The following HMX3 variants were observed in gnomAD, a reference collection of about 807,000 sequenced individuals.
The protein encoded by HMX3 is H6 family homeobox 3.
Under a neutral mutation model 22.8 loss-of-function variants are expected in HMX3, and 8 were observed. The observed-to-expected ratio is 0.35, with a 90% confidence interval of 0.21 to 0.63. The LOEUF (loss-of-function observed/expected upper bound fraction) is 0.63. Ranked by LOEUF, HMX3 falls within the 30% of genes least tolerant of loss-of-function variation. HMX3 has a pLI of 0.72. For missense variants in HMX3, 527 were observed against 520.6 expected (o/e 1.01, Z -0.12); for synonymous variants, 331 against 250.9 (o/e 1.32, Z -3.02).
chr10:123,136,929 G>C lies in HMX3; in HGVS notation c.401-129G>C. ...CAGCCGAGAAGGAGGCAGCCCGCGG[G>C]AATGGTGAGGCCTCATGGCCTGGGA... On this transcript the variant is annotated intron_variant, in intron 1 of 1. Transcript: ENST00000357878. This position sits in a 1 kb window ranked among gnomAD's most constrained non-coding sequence, Gnocchi z 4.8. 1 of 1,101,844 alleles carries C rather than the reference G, an allele frequency of 9.1e-7. No individual in the cohort carries two copies. 68.3% of individuals were successfully genotyped at this position (1,101,844 alleles called of 1,614,324 possible).
Position 123,137,018 on chromosome 10 carries a change from C to T in HMX3, c.401-40C>T, listed in dbSNP as rs377040760. ...CGCCGGGCCTCGCTCAAGGCTGTGT[C>T]GGTGTGCATGTGTGTGCGTCCGTCT... On this transcript the variant is annotated intron_variant, in intron 1 of 1. Transcript: ENST00000357878. This position sits in a 1 kb window ranked among gnomAD's most constrained non-coding sequence, Gnocchi z 5.8. The T allele has an allele frequency of 1.9e-6, 3 of 1,545,826 alleles. No individual in the cohort carries two copies. Among genetic ancestry groups the T allele is most frequent in the Non-Finnish European group, 2.6e-6 (3 of 1,148,448 alleles).
chr10:123,136,290 C>G lies in HMX3; in HGVS notation c.240C>G (p.Ala80=). ...AAAAKGALEG[A]AGFALSQVGD... is the part of the protein sequence containing the mutation. ...CGGCCAAGGGGGCCCTGGAGGGCGC[C>G]GCGGGCTTCGCGCTCTCGCAGGTGG... Residue 80 remains alanine, a synonymous_variant, in exon 1 of 2, where the codon GCC becomes GCG. Transcript: ENST00000357878. The surrounding 1 kb of genome is among the most constrained non-coding windows in gnomAD (Gnocchi z 4.8). The G allele has an allele frequency of 6.6e-7, 1 of 1,518,090 alleles. No individual in the cohort carries two copies. Among genetic ancestry groups the G allele is most frequent in the Non-Finnish European group, 8.8e-7 (1 of 1,132,706 alleles). The allele number at this position is 1,518,090 out of a possible 1,614,324, so 94.0% of individuals were successfully genotyped here.
rs1844071257 is a variant in HMX3 at position 123,136,229 on chromosome 10, C to T, written c.179C>T (p.Ser60Leu). The T allele has an allele frequency of 4.5e-6, 6 of 1,336,900 alleles. No homozygotes were observed. The highest frequency in any genetic ancestry group is 5.7e-6 in the Non-Finnish European group (6 of 1,047,770). 82.8% of individuals were successfully genotyped at this position (1,336,900 alleles called of 1,614,324 possible). A position where few individuals can be genotyped will look rare whatever the true frequency, so the allele number is the denominator to read the frequency against. Residue 60 changes from serine (S) to leucine (L), a missense_variant, in exon 1 of 2, where the codon TCG (serine) becomes TTG (leucine). Transcript: ENST00000357878. The surrounding 1 kb of genome is among the most constrained non-coding windows in gnomAD (Gnocchi z 4.8). The part of the protein sequence containing the change: ...PPPRTLFAPA[S>L]AAAAAAAAAA... ...CCACGGACGCTCTTCGCGCCAGCCT[C>T]GGCTGCCGCCGCCGCCGCCGCTGCC...
rs1399998680 is a variant in HMX3 at position 123,136,821 on chromosome 10, A to G, written c.401-237A>G. Among the ~76,000 whole-genome samples the G allele has an allele frequency of 2.6e-5, 4 of 152,044 alleles. No individual in the cohort carries two copies. Among genetic ancestry groups the G allele is most frequent in the African/African-American group, 9.7e-5 (4 of 41,412 alleles). On this transcript the variant is annotated intron_variant, in intron 1 of 1. Transcript: ENST00000357878. The surrounding 1 kb of genome is among the most constrained non-coding windows in gnomAD (Gnocchi z 4.8). ...CCTGGCGAGGAAGCTGAGGGAATGG[A>G]AGGAGGTGGCCGCGCTACCACCATC...
rs770350792 is a variant in HMX3 at position 123,136,303 on chromosome 10, C to T, written c.253C>T (p.Leu85Phe). 53 of 1,542,984 alleles carry T rather than the reference C, an allele frequency of 3.4e-5. No individual in the cohort carries two copies. The highest frequency in any genetic ancestry group is 4.5e-5 in the Non-Finnish European group (51 of 1,145,686). ...GALEGAAGFALSQVGDLAFPR... is the reference protein window; with the variant it reads ...GALEGAAGFAFSQVGDLAFPR... ...CCTGGAGGGCGCCGCGGGCTTCGCG[C>T]TCTCGCAGGTGGGCGACCTGGCTTT... The change falls in exon 1 of 2, where the codon CTC (leucine) becomes TTC (phenylalanine). Residue 85 changes from leucine (L) to phenylalanine (F), a missense_variant. Transcript: ENST00000357878. This position sits in a 1 kb window ranked among gnomAD's most constrained non-coding sequence, Gnocchi z 4.8.
In HMX3 at chr10:123,138,679, G is replaced by T. The variant is rs950513680; in HGVS notation, c.*948G>T. Among the ~76,000 whole-genome samples, 1 of 152,094 alleles carries T rather than the reference G, an allele frequency of 6.6e-6. No homozygotes were observed. The highest frequency in any genetic ancestry group is 1.5e-5 in the Non-Finnish European group (1 of 68,016). On this transcript the variant is annotated 3_prime_UTR_variant, in exon 2 of 2. Transcript: ENST00000357878. ...TTAGCCTCTTCATCGGTCTTACTTT[G>T]TGATGGAAGAATTCTCTAAGTGTCT...
rs778419567 is a variant in HMX3 at position 123,136,017 on chromosome 10, C to T, written c.-34C>T. 3.1e-5 allele frequency: 41 copies of T among 1,328,272 alleles called. 2 individuals are homozygous for T. In the South Asian group the frequency reaches 9.0e-4, roughly 29 times the overall value. 82.3% of individuals were successfully genotyped at this position (1,328,272 alleles called of 1,614,324 possible). On this transcript the variant is annotated 5_prime_UTR_variant, in exon 1 of 2. Transcript: ENST00000357878. This position sits in a 1 kb window ranked among gnomAD's most constrained non-coding sequence, Gnocchi z 4.8. ...CGCCCCGCCGCCCGCCTGTCCCGCT[C>T]CCTCCCTCCCGGGGACCCGGAGGAG... is the stretch of plus-strand genomic sequence containing the variant.
Position 123,137,284 on chromosome 10 carries a change from A to C in HMX3, c.627A>C (p.Ala209=). 2 of 1,598,570 alleles carry C rather than the reference A, an allele frequency of 1.3e-6. No homozygotes were observed. The highest frequency in any genetic ancestry group is 1.7e-6 in the Non-Finnish European group (2 of 1,172,916). The change falls in exon 2 of 2, where the codon GCA becomes GCC. Residue 209 remains alanine, a synonymous_variant. Transcript: ENST00000357878. The surrounding 1 kb of genome is among the most constrained non-coding windows in gnomAD (Gnocchi z 5.8). ...GGGCGGCGGCGGCCACTCCGGGCGC[A>C]GAAGACTGGAAGAAGGGCGCTGAAA... The part of the protein sequence containing the change: ...SVGAAAATPG[A]EDWKKGAESP...
chr10:123,136,047 G>C lies in HMX3; in HGVS notation c.-4G>C. 1 of 1,382,640 alleles carries C rather than the reference G, an allele frequency of 7.2e-7. No individual in the cohort carries two copies. The highest frequency in any genetic ancestry group is 9.4e-7 in the Non-Finnish European group (1 of 1,066,694). 85.6% of individuals were successfully genotyped at this position (1,382,640 alleles called of 1,614,324 possible). A position where few individuals can be genotyped will look rare whatever the true frequency, so the allele number is the denominator to read the frequency against. Reference sequence around the variant, plus strand: ...CCTCCCGGGGACCCGGAGGAGAGGGGACCATGCCGGAACCCGGGCCGGACG... The same window carrying C: ...CCTCCCGGGGACCCGGAGGAGAGGGCACCATGCCGGAACCCGGGCCGGACG... On this transcript the variant is annotated 5_prime_UTR_variant, in exon 1 of 2. Coordinates refer to ENST00000357878, the MANE Select transcript of HMX3 (RefSeq NM_001105574.2). This position sits in a 1 kb window ranked among gnomAD's most constrained non-coding sequence, Gnocchi z 4.8.
In HMX3 at chr10:123,136,579, C is replaced by A; in HGVS notation, c.400+129C>A. 1 of 690,530 alleles carries A rather than the reference C, an allele frequency of 1.4e-6. No individual in the cohort carries two copies. The highest frequency in any genetic ancestry group is 2.1e-6 in the Non-Finnish European group (1 of 478,982). 42.8% of individuals were successfully genotyped at this position (690,530 alleles called of 1,614,324 possible). ...CCTCTGCTCGGTCAGTTTTTTTCGG[C>A]CCCTAGCCTGCCCTCGCGCTGGGTT... is the stretch of plus-strand genomic sequence containing the variant. On this transcript the variant is annotated intron_variant, in intron 1 of 1. Transcript: ENST00000357878. The surrounding 1 kb of genome is among the most constrained non-coding windows in gnomAD (Gnocchi z 4.8).
rs1186163706 is a variant in HMX3, at chr10:123,138,974, T to C, written c.*1243T>C. On this transcript the variant is annotated 3_prime_UTR_variant, in exon 2 of 2. Transcript: ENST00000357878. The stretch of plus-strand genomic sequence containing the variant: ...CTGTGCAATATTGTACAAAATCTCC[T>C]GAGAAAGCTGTTTCCTCCTCCACCG... Among the ~76,000 whole-genome samples, 5 of 152,208 alleles carry C rather than the reference T, an allele frequency of 3.3e-5. No individual in the cohort carries two copies. The highest frequency in any genetic ancestry group is 1.2e-4 in the African/African-American group (5 of 41,450).
chr10:123,136,471 T>C lies in HMX3; in HGVS notation c.400+21T>C. 7.4e-7 allele frequency: 1 copy of C among 1,358,890 alleles called. No homozygotes were observed. Among genetic ancestry groups the C allele is most frequent in the Non-Finnish European group, 9.6e-7 (1 of 1,045,824 alleles). The allele number at this position is 1,358,890 out of a possible 1,614,324, so 84.2% of individuals were successfully genotyped here. Reference sequence around the variant, plus strand: ...TGAAGGTACCGACCTCTCTTTGAACTTTCGTTGTCCCCCTGCGCGCCCGCC... The same window carrying C: ...TGAAGGTACCGACCTCTCTTTGAACCTTCGTTGTCCCCCTGCGCGCCCGCC... On this transcript the variant is annotated intron_variant, in intron 1 of 1. Coordinates refer to ENST00000357878, the MANE Select transcript of HMX3 (RefSeq NM_001105574.2). This position sits in a 1 kb window ranked among gnomAD's most constrained non-coding sequence, Gnocchi z 4.8.
chr10:123,136,447 G>A lies in HMX3; in HGVS notation c.397G>A (p.Glu133Lys). The change falls in exon 1 of 2, where the codon GAA becomes AAA. Residue 133 changes from glutamate (E) to lysine (K), a missense_variant. Physicochemically the swap from Glu to Lys is moderately conservative, Grantham distance 56. Coordinates refer to ENST00000357878, the MANE Select transcript of HMX3 (RefSeq NM_001105574.2). The surrounding 1 kb of genome is among the most constrained non-coding windows in gnomAD (Gnocchi z 4.8). ...CGCCGGCGGCCACCTCCCGCGACCT[G>A]AAGGTACCGACCTCTCTTTGAACTT... ...TPAGGHLPRP[E>K]ASEKALLRDS... The A allele has an allele frequency of 2.1e-6, 3 of 1,434,278 alleles. No individual in the cohort carries two copies. The highest frequency in any genetic ancestry group is 2.8e-6 in the Non-Finnish European group (3 of 1,086,782). The allele number at this position is 1,434,278 out of a possible 1,614,324, so 88.8% of individuals were successfully genotyped here. A position where few individuals can be genotyped will look rare whatever the true frequency, so the allele number is the denominator to read the frequency against.
At position 123,136,693 on chromosome 10, in the gene HMX3, G is replaced by A. The variant is rs1844079768; in HGVS notation, c.400+243G>A. On this transcript the variant is annotated intron_variant, in intron 1 of 1. Transcript: ENST00000357878. This position sits in a 1 kb window ranked among gnomAD's most constrained non-coding sequence, Gnocchi z 4.8. Reference sequence around the variant, plus strand: ...GTGCTTCCCGGGAAAAGTGGCCTCGGGCGTGAATAGGGAGGCTTCGGACGG... The same window carrying A: ...GTGCTTCCCGGGAAAAGTGGCCTCGAGCGTGAATAGGGAGGCTTCGGACGG... 6.6e-6 allele frequency among the ~76,000 whole-genome samples: 1 copy of A among 152,200 alleles called. No homozygotes were observed. The highest frequency in any genetic ancestry group is 2.1e-4 in the South Asian group (1 of 4,838).
chr10:123,136,368 C>G lies in HMX3; in HGVS notation c.318C>G (p.Pro106=), dbSNP rs780492966. ...TCCCGGCGCAGAGGTTTGCCCTGCCCGCGCACTACCTGGAGCGCTCCCCAG... is the reference window on the plus strand; with the variant it reads ...TCCCGGCGCAGAGGTTTGCCCTGCCGGCGCACTACCTGGAGCGCTCCCCAG... ...FEIPAQRFAL[P]AHYLERSPAW... is the part of the protein sequence containing the mutation. The change falls in exon 1 of 2, where the codon CCC becomes CCG. Residue 106 remains proline, a synonymous_variant. Coordinates refer to ENST00000357878, the MANE Select transcript of HMX3 (RefSeq NM_001105574.2). The surrounding 1 kb of genome is among the most constrained non-coding windows in gnomAD (Gnocchi z 4.8). The G allele has an allele frequency of 3.8e-6, 6 of 1,569,174 alleles. No individual in the cohort carries two copies. The Admixed American group carries it at 7.1e-5, about 18-fold the overall frequency.
rs761841771 is a variant in HMX3, at chr10:123,137,570, C to A, written c.913C>A (p.Arg305=). 6.2e-6 allele frequency: 10 copies of A among 1,606,978 alleles called. No individual in the cohort carries two copies. The African/African-American group carries it at 8.0e-5, about 13-fold the overall frequency. Residue 305 remains arginine, a synonymous_variant, in exon 2 of 2, where the codon CGG becomes AGG. Coordinates refer to ENST00000357878, the MANE Select transcript of HMX3 (RefSeq NM_001105574.2). This position sits in a 1 kb window ranked among gnomAD's most constrained non-coding sequence, Gnocchi z 5.8. ...CCATGCCGCGGCGCAGCGCATCGTG[C>A]GGGTGCCCATCCTCTACCACGAGAA... ...LSHAAAQRIV[R]VPILYHENSA...
rs1844097801 is a variant in HMX3 at position 123,138,076 on chromosome 10, G to C, written c.*345G>C. Among the ~76,000 whole-genome samples, 1 of 151,438 alleles carries C rather than the reference G, an allele frequency of 6.6e-6. No individual in the cohort carries two copies. Among genetic ancestry groups the C allele is most frequent in the South Asian group, 2.1e-4 (1 of 4,800 alleles). On this transcript the variant is annotated 3_prime_UTR_variant, in exon 2 of 2. Transcript: ENST00000357878. ...CCTTCCAAATTTCCATTGCGCGGTG[G>C]CTTTTTGGTTTTATTTTTATAGAAG...
rs1264830805 is a variant in HMX3, at chr10:123,137,728, C to T, written c.1071C>T (p.Val357=). 1.4e-6 allele frequency: 2 copies of T among 1,437,172 alleles called. No homozygotes were observed. Among genetic ancestry groups the T allele is most frequent in the Admixed American group, 2.9e-5 (1 of 34,518 alleles). The allele number at this position is 1,437,172 out of a possible 1,614,324, so 89.0% of individuals were successfully genotyped here. A position where few individuals can be genotyped will look rare whatever the true frequency, so the allele number is the denominator to read the frequency against. Residue 357 remains valine (V), a synonymous_variant, in exon 2 of 2, where the codon GTC becomes GTT. Transcript: ENST00000357878. This position sits in a 1 kb window ranked among gnomAD's most constrained non-coding sequence, Gnocchi z 5.8. ...CTTCCGTGCCGCTGCTACGGCCGGT[C>T]TGAGGCCCCAGAGGGGTGGGGGAGG... ...VVSSVPLLRP[V] is the part of the protein sequence containing the mutation.
At position 123,137,458 on chromosome 10, in the gene HMX3, C is replaced by T. The variant is rs1222037211; in HGVS notation, c.801C>T (p.Thr267=). 1 of 1,613,292 alleles carries T rather than the reference C, an allele frequency of 6.2e-7. No homozygotes were observed. The highest frequency in any genetic ancestry group is 1.7e-5 in the Admixed American group (1 of 60,032). Residue 267 remains threonine (T), a synonymous_variant, in exon 2 of 2, where the codon ACC becomes ACT. Coordinates refer to ENST00000357878, the MANE Select transcript of HMX3 (RefSeq NM_001105574.2). This position sits in a 1 kb window ranked among gnomAD's most constrained non-coding sequence, Gnocchi z 5.8. ...RAGLAASLHL[T]ETQVKIWFQN... ...GCCTGGCCGCGTCCCTGCACCTCAC[C>T]GAGACGCAGGTCAAGATCTGGTTCC...
Sources: allele counts gnomAD v4.1 joint callset (sites outside exome capture counted in the v4.1 genomes callset), GRCh38; gene constraint gnomAD v4.1.1; non-coding constraint Gnocchi (gnomAD v3.1); transcripts MANE v1.5; gene names NCBI Gene and HGNC (gene_info 2026-07-23, HGNC 2026-07-21).